MED12L: variants seen among roughly 807,000 people sequenced by gnomAD.
MED12L encodes mediator of RNA polymerase II transcription subunit 12-like protein.
MED12L carries 60 observed loss-of-function variants against 281.3 expected under a neutral mutation model. The ratio of observed to expected loss-of-function variants is 0.21; its 90% CI spans 0.17 to 0.26. MED12L has a LOEUF of 0.26. MED12L is among the 10% of genes least tolerant of loss of function. The pLI, the probability that MED12L is intolerant of heterozygous loss-of-function variation, is 1.00. For missense variants in MED12L, 2,146 were observed against 2,680.9 expected, an observed-to-expected ratio of 0.80 and a Z score of 4.41; for synonymous variants, 974 against 987.2, an observed-to-expected ratio of 0.99 and a Z score of 0.25.
At chr3:151,191,725 G>A (rs1688221841) in intron 14 of MED12L, among the ~76,000 whole-genome samples, 1 of 152,168 alleles carries the variant, frequency 6.6e-6, no homozygotes, top group Non-Finnish European at 1.5e-5. Context: ...TGACCAACAT[G>A]GAGAAACCCT....
chr3:151,088,629 G>T (rs747005774), intron 2 of MED12L, among the ~76,000 whole-genome samples: 3 of 152,088 alleles, frequency 2.0e-5, no homozygotes, highest in Non-Finnish European at 4.4e-5. Context: ...CTCATTTCAC[G>T]ACTGGGGCCT....
chr3:151,331,502 T>C (rs1198150500), intron 16 of MED12L, among the ~76,000 whole-genome samples: 1 of 152,226 alleles, frequency 6.6e-6, no homozygotes, highest in Non-Finnish European at 1.5e-5. Context: ...GAGTGAACAT[T>C]CACCAGTGCT....
At chr3:151,206,079 T>C (rs1431425135) in intron 16 of MED12L, among the ~76,000 whole-genome samples, 1 of 148,164 alleles carries the variant, frequency 6.7e-6, no homozygotes, top group African/African-American at 2.6e-5. Flanking sequence ...TAATTTTTTT[T>C]TTTTTTTTTT....
rs1236176327 is a variant in MED12L, at chr3:151,423,027, A to ATG, written c.6408+6606_6408+6607insGT. Among the ~76,000 whole-genome samples the ATG allele has an allele frequency of 9.0e-5, 13 of 144,652 alleles. No homozygotes were observed. In the East Asian group the frequency reaches 2.6e-3, roughly 29 times the overall value. The allele number at this position is 144,652 out of a possible 152,430, so 94.9% of individuals were successfully genotyped here. ...TAGGAGATCATAAAAATATATATATATATATATTTTGAAACGGAGTCTTGC... is the reference window on the plus strand; with the variant it reads ...TAGGAGATCATAAAAATATATATATATGTATATATTTTGAAACGGAGTCTTGC... On this transcript the variant is annotated intron_variant, in intron 43 of 44. Coordinates refer to ENST00000687756, the MANE Select transcript of MED12L (RefSeq NM_001393769.1).
intron 19 of MED12L, among the ~76,000 whole-genome samples, chr3:151,356,559 A>G (rs531727729): frequency 1.6e-4 from 24 of 152,312 alleles, no homozygotes; most frequent in African/African-American, 5.5e-4. Context: ...TTTCAATTAA[A>G]TAATTATCAT....
chr3:151,389,899 T>C, intron 37 of MED12L, 80 bp from the exon 38 acceptor site: 1 of 1,419,130 alleles, frequency 7.0e-7, no homozygotes, highest in Non-Finnish European at 9.9e-7. Context: ...GTACCTCAGA[T>C]AGCTTACTGA....
At chr3:151,132,038 T>C (rs1031155140) in intron 5 of MED12L, among the ~76,000 whole-genome samples, 5 of 152,222 alleles carry the variant, frequency 3.3e-5, no homozygotes, top group Admixed American at 2.0e-4. Flanking sequence ...TGATTATTAA[T>C]GTATATTTAA....
At chr3:151,156,036 A>T (rs961681093) in intron 5 of MED12L, 125 bp from the exon 6 acceptor site, 3 of 802,770 alleles carry the variant, frequency 3.7e-6, no homozygotes, top group African/African-American at 1.8e-5. Context: ...GGCACAGATC[A>T]TTTTTAGGGA....
rs773625671 is a variant in MED12L, at chr3:151,160,002, C to G, written c.1008C>G (p.Pro336=). The G allele has an allele frequency of 6.2e-7, 1 of 1,614,196 alleles. No homozygotes were observed. The highest frequency in any genetic ancestry group is 1.7e-5 in the Admixed American group (1 of 60,030). ...NSSIGAPSPG[P]PGPGMSPVQL... is the part of the protein sequence containing the mutation. ...GTATCGGGGCCCCCAGCCCTGGCCC[C>G]CCCGGCCCTGGCATGAGCCCCGTGC... Residue 336 remains proline, a synonymous_variant, in exon 8 of 45, where the codon CCC becomes CCG. Coordinates refer to ENST00000687756, the MANE Select transcript of MED12L (RefSeq NM_001393769.1).
At position 151,382,640 on chromosome 3, in the gene MED12L, T is replaced by A; in HGVS notation, c.4591-16T>A. On this transcript the variant is annotated splice_polypyrimidine_tract_variant and intron_variant, in intron 32 of 44. Transcript: ENST00000687756. ...AAAAATTAAACTTTAATGGGGAGTTTTTTTCCGGATCTTAGATTTTAAGTA... is the reference window on the plus strand; with the variant it reads ...AAAAATTAAACTTTAATGGGGAGTTATTTTCCGGATCTTAGATTTTAAGTA... 1 of 1,597,336 alleles carries A rather than the reference T, an allele frequency of 6.3e-7. No individual in the cohort carries two copies. The highest frequency in any genetic ancestry group is 8.5e-7 in the Non-Finnish European group (1 of 1,172,000).
At chr3:151,236,584 C>T (rs1454680898) in intron 16 of MED12L, among the ~76,000 whole-genome samples, 1 of 152,162 alleles carries the variant, frequency 6.6e-6, no homozygotes, top group Non-Finnish European at 1.5e-5. Flanking sequence ...TCTCTGGATA[C>T]TTTTATTCCA....
chr3:151,294,668 G>C, intron 16 of MED12L: 1 of 1,614,126 alleles, frequency 6.2e-7, no homozygotes. Flanking sequence ...TTTAAGTTTT[G>C]AGCAGTCATG....
At chr3:151,134,375 C>G (rs1363087035) in intron 5 of MED12L, among the ~76,000 whole-genome samples, 1 of 152,154 alleles carries the variant, frequency 6.6e-6, no homozygotes, top group Admixed American at 6.5e-5. Context: ...GAAAGAGATA[C>G]GTTATTCTCA....
intron 16 of MED12L, chr3:151,294,906 A>G: frequency 1.9e-6 from 3 of 1,614,088 alleles, no homozygotes; most frequent in Non-Finnish European, 2.5e-6. Context: ...GTGTATCTGC[A>G]GAGAATAAAC....
chr3:151,343,122 T>A lies in MED12L; in HGVS notation c.2251-6937T>A, dbSNP rs540980458. ...CCCCAGTAGTGAGAAGTGAATCTCG[T>A]GTGGGATGGTTGTACGTCTTTCAAT... is the stretch of plus-strand genomic sequence containing the variant. On this transcript the variant is annotated intron_variant, in intron 16 of 44. Coordinates refer to ENST00000687756, the MANE Select transcript of MED12L (RefSeq NM_001393769.1). Among the ~76,000 whole-genome samples the A allele has an allele frequency of 1.8e-4, 27 of 152,258 alleles. No individual in the cohort carries two copies. In the South Asian group the frequency reaches 4.6e-3, roughly 26 times the overall value.
At chr3:151,218,476 A>G (rs1266540195) in intron 16 of MED12L, among the ~76,000 whole-genome samples, 3 of 152,204 alleles carry the variant, frequency 2.0e-5, no homozygotes, top group Non-Finnish European at 4.4e-5. Flanking sequence ...GAAAGTTGTC[A>G]TTATGTTAAC....
intron 5 of MED12L, among the ~76,000 whole-genome samples, chr3:151,140,154 G>C (rs564340212): frequency 9.2e-5 from 14 of 152,282 alleles, no homozygotes; most frequent in African/African-American, 3.1e-4. Context: ...AAATGAAGTA[G>C]ATGTTCTTTG....
intron 16 of MED12L, among the ~76,000 whole-genome samples, chr3:151,195,277 T>C (rs1432822016): frequency 6.6e-6 from 1 of 152,226 alleles, no homozygotes; most frequent in Non-Finnish European, 1.5e-5. Flanking sequence ...TTTATTTTGG[T>C]ATTTTGGAAT....
At chr3:151,272,788 C>T (rs1420395969) in intron 16 of MED12L, among the ~76,000 whole-genome samples, 1 of 151,944 alleles carries the variant, frequency 6.6e-6, no homozygotes, top group Non-Finnish European at 1.5e-5. Context: ...TTTTGACTCT[C>T]AACTATGTAC....
Sources: allele counts gnomAD v4.1 joint callset (sites outside exome capture counted in the v4.1 genomes callset), GRCh38; gene constraint gnomAD v4.1.1; transcripts MANE v1.5; gene names NCBI Gene and HGNC (gene_info 2026-07-23, HGNC 2026-07-21).